The following DAB1 variants were observed in gnomAD, a reference collection of about 807,000 sequenced individuals.
DAB1 encodes DAB adaptor protein 1.
A neutral mutation model predicts 64.6 loss-of-function variants in DAB1; 15 were observed. That is an observed-to-expected ratio of 0.23 (90% CI 0.16 to 0.36). DAB1 has a LOEUF of 0.36. Ranked by LOEUF, DAB1 falls within the 10% of genes least tolerant of loss-of-function variation. The probability of loss-of-function intolerance (pLI) is 1.00; values close to 1 mark genes in which losing one functional copy is unlikely to be tolerated. For missense variants in DAB1, 596 were observed against 706.7 expected, an observed-to-expected ratio of 0.84 and a Z score of 1.78; for synonymous variants, 235 against 251.9, an observed-to-expected ratio of 0.93 and a Z score of 0.64.
At chr1:57,930,716 A>C (rs1416642672) in intron 5 of DAB1, among the ~76,000 whole-genome samples, 7 of 152,172 alleles carry the variant, frequency 4.6e-5, no homozygotes, top group Admixed American at 2.0e-4. Flanking sequence ...ATTAACTTAG[A>C]TCCTGCAACC....
At chr1:57,544,643 T>C (rs888598225) in intron 7 of DAB1, among the ~76,000 whole-genome samples, 5 of 152,180 alleles carry the variant, frequency 3.3e-5, no homozygotes, top group African/African-American at 9.7e-5. Context: ...TCATCTTGAA[T>C]TGTAGTTCCC....
intron 5 of DAB1, among the ~76,000 whole-genome samples, chr1:57,914,873 G>A (rs1644702896): frequency 6.6e-6 from 1 of 152,128 alleles, no homozygotes; most frequent in Non-Finnish European, 1.5e-5. Context: ...CAGAGTCTCA[G>A]GCACCACCCC....
At chr1:57,932,137 T>C (rs12035662) in intron 5 of DAB1, among the ~76,000 whole-genome samples, 4,637 of 152,294 alleles carry the variant, frequency 0.03, 96 homozygotes, top group East Asian at 0.082. Context: ...TTAATCTCCA[T>C]GTATTTTCAG....
At chr1:57,810,284 T>C (rs994379615) in intron 6 of DAB1, among the ~76,000 whole-genome samples, 2 of 152,160 alleles carry the variant, frequency 1.3e-5, no homozygotes, top group East Asian at 1.9e-4. Flanking sequence ...TGCCTGTTGA[T>C]GAACTCTTCC....
chr1:57,529,631 G>A (rs1644637351), intron 7 of DAB1, among the ~76,000 whole-genome samples: 1 of 152,020 alleles, frequency 6.6e-6, no homozygotes, highest in South Asian at 2.1e-4. Context: ...GGTAAAGCAA[G>A]CAACTTATAA....
In DAB1 at chr1:57,439,418, G is replaced by GTTTTTTTTTTTTTTT; in HGVS notation, n.626-148253_626-148252insAAAAAAAAAAAAAAA. On this transcript the variant is annotated intron_variant and non_coding_transcript_variant, in intron 7 of 20. Transcript: ENST00000485760. ...GCCATGCCATCAACTTGGTGATGAG[G>GTTTTTTTTTTTTTTT]TTTTTTCTTTTTTTTTTTTTTTTTT... Among the ~76,000 whole-genome samples, 245 of 116,066 alleles carry GTTTTTTTTTTTTTTT rather than the reference G, an allele frequency of 2.1e-3. 32 individuals are homozygous for GTTTTTTTTTTTTTTT. Among genetic ancestry groups the GTTTTTTTTTTTTTTT allele is most frequent in the Middle Eastern group, 0.02 (4 of 202 alleles). 76.1% of individuals were successfully genotyped at this position (116,066 alleles called of 152,430 possible). A position where few individuals can be genotyped will look rare whatever the true frequency, so the allele number is the denominator to read the frequency against.
At chr1:58,486,871 T>C (rs948991730) in intron 3 of DAB1, among the ~76,000 whole-genome samples, 2 of 152,206 alleles carry the variant, frequency 1.3e-5, no homozygotes, top group Non-Finnish European at 2.9e-5. Context: ...CCTGGTCTTG[T>C]ATGTTTCCTA....
chr1:57,392,320 C>T (rs941134613), intron 1 of DAB1, among the ~76,000 whole-genome samples: 10 of 152,112 alleles, frequency 6.6e-5, no homozygotes, highest in African/African-American at 2.4e-4. Context: ...TTGCAGTGAG[C>T]GAGATCGTGC....
At chr1:58,038,610 C>T (rs1237920241) in intron 5 of DAB1, among the ~76,000 whole-genome samples, 1 of 151,976 alleles carries the variant, frequency 6.6e-6, no homozygotes, top group Non-Finnish European at 1.5e-5. Context: ...ATGCAACTGG[C>T]ACTTAAAGAG....
At chr1:57,454,734 T>G (rs945458816) in intron 7 of DAB1, among the ~76,000 whole-genome samples, 1 of 152,032 alleles carries the variant, frequency 6.6e-6, no homozygotes, top group Non-Finnish European at 1.5e-5. Flanking sequence ...TGAAGATAGT[T>G]CTCTAGACCG....
chr1:57,447,605 A>T (rs556657144), intron 7 of DAB1, among the ~76,000 whole-genome samples: 1 of 152,234 alleles, frequency 6.6e-6, no homozygotes, highest in Non-Finnish European at 1.5e-5. Flanking sequence ...AAAATATTAT[A>T]TGATGGTTAC....
rs1027531458 is a variant in DAB1 at position 57,717,266 on chromosome 1, TA to T, written n.552-67602del. On this transcript the variant is annotated intron_variant and non_coding_transcript_variant, in intron 6 of 20. Transcript: ENST00000485760. Reference sequence around the variant, plus strand: ...TTAAAAGAATAAATAAAAATAAAAATAAAAAAAAAAGAAAGAAAGAAGACAT... The same window carrying T: ...TTAAAAGAATAAATAAAAATAAAAATAAAAAAAAAGAAAGAAAGAAGACAT... Among the ~76,000 whole-genome samples, 477 of 132,678 alleles carry T rather than the reference TA, an allele frequency of 3.6e-3. 2 individuals carry two copies. The highest frequency in any genetic ancestry group is 0.01 in the African/African-American group (349 of 34,876). The allele number at this position is 132,678 out of a possible 152,430, so 87.0% of individuals were successfully genotyped here.
chr1:57,912,311 C>G (rs1337136660), intron 5 of DAB1, among the ~76,000 whole-genome samples: 1 of 152,022 alleles, frequency 6.6e-6, no homozygotes, highest in Non-Finnish European at 1.5e-5. Flanking sequence ...AAAGCAGGAA[C>G]TGGGTCTGTC....
chr1:57,560,169 C>T (rs1042012567), intron 7 of DAB1, among the ~76,000 whole-genome samples: 1 of 152,232 alleles, frequency 6.6e-6, no homozygotes, highest in Non-Finnish European at 1.5e-5. Flanking sequence ...CTTCAGCTGG[C>T]AAGGCCAGCA....
At chr1:58,295,230 C>T (rs1031953542) in intron 4 of DAB1, among the ~76,000 whole-genome samples, 14 of 152,104 alleles carry the variant, frequency 9.2e-5, no homozygotes, top group African/African-American at 3.4e-4. Flanking sequence ...AGGTTCCTGG[C>T]ACATAGTAGG....
At chr1:57,522,432 AG>A (rs1644539019) in intron 7 of DAB1, among the ~76,000 whole-genome samples, 1 of 152,310 alleles carries the variant, frequency 6.6e-6, no homozygotes, top group African/African-American at 2.4e-5. Context: ...CTAAAATATA[AG>A]ACCTCAACCC....
chr1:57,260,609 TG>T (rs1270666774), intron 2 of DAB1, among the ~76,000 whole-genome samples: 5 of 152,172 alleles, frequency 3.3e-5, no homozygotes, highest in African/African-American at 1.2e-4. Context: ...TGAGGCTGCA[TG>T]GCACAGAAAA....
At chr1:57,985,220 T>G (rs908555681) in intron 5 of DAB1, among the ~76,000 whole-genome samples, 8 of 152,202 alleles carry the variant, frequency 5.3e-5, no homozygotes, top group Admixed American at 1.3e-4. Context: ...CTTTAGTATC[T>G]TAATACCTCT....
At chr1:57,884,477 G>C (rs1260789446), upstream of DAB1, among the ~76,000 whole-genome samples, 1 of 152,080 alleles carries the variant, frequency 6.6e-6, no homozygotes, top group Non-Finnish European at 1.5e-5. Flanking sequence ...ACATACACAG[G>C]CTAAAATTCA....
Sources: gnomAD v4.1 joint callset for allele counts (sites outside exome capture counted in the v4.1 genomes callset) on GRCh38, gnomAD v4.1.1 for gene constraint, MANE v1.5 for transcripts, NCBI Gene and HGNC (gene_info 2026-07-23, HGNC 2026-07-21) for gene names.